The following PRRX2 variants were observed in gnomAD, a reference collection of about 807,000 sequenced individuals.
PRRX2 encodes paired mesoderm homeobox protein 2.
Under a neutral mutation model 18.0 loss-of-function variants are expected in PRRX2, and 11 were observed. That is an observed-to-expected ratio of 0.61 (90% confidence interval 0.39 to 1.01). The LOEUF is 1.01. Among genes scored for constraint, PRRX2 ranks in the 50% least tolerant of loss-of-function variants. The pLI, the probability that PRRX2 is intolerant of heterozygous loss-of-function variation, is 0.01. For synonymous variants in PRRX2, 177 were observed against 154.8 expected, an observed-to-expected ratio of 1.14 and a Z score of -1.06; for missense variants, 387 against 351.0, an observed-to-expected ratio of 1.10 and a Z score of -0.82.
At chr9:129,721,699 C>T (rs559911750) in intron 3 of PRRX2, among the ~76,000 whole-genome samples, 1 of 152,278 alleles carries the variant, frequency 6.6e-6, no homozygotes, top group Non-Finnish European at 1.5e-5. Flanking sequence ...CCTGCCTCAG[C>T]CTCTTGGGTA....
chr9:129,701,184 C>T (rs1564151753), intron 1 of PRRX2, among the ~76,000 whole-genome samples: 1 of 152,182 alleles, frequency 6.6e-6, no homozygotes, highest in Non-Finnish European at 1.5e-5. Flanking sequence ...CTCACACTAA[C>T]GTGAGGAAGA....
At chr9:129,720,990 T>A (rs575069878) in intron 3 of PRRX2, among the ~76,000 whole-genome samples, 1 of 151,460 alleles carries the variant, frequency 6.6e-6, no homozygotes, top group South Asian at 2.1e-4. Flanking sequence ...GGCATGTGTG[T>A]GTGTGTCAAC....
Position 129,666,044 on chromosome 9 carries a change from C to A in PRRX2, c.177C>A (p.Pro59=). 9.5e-7 allele frequency: 1 copy of A among 1,052,296 alleles called. No individual in the cohort carries two copies. The highest frequency in any genetic ancestry group is 1.1e-6 in the Non-Finnish European group (1 of 877,816). 65.2% of individuals were successfully genotyped at this position (1,052,296 alleles called of 1,614,324 possible). Residue 59 remains proline (P), a synonymous_variant, in exon 1 of 4, where the codon CCC becomes CCA. Transcript: ENST00000372469. ...VAAAGRLAAR[P]GARAEAREGA... ...CGGCCGGGCGGCTGGCGGCGCGCCC[C>A]GGGGCCAGGGCCGAGGCGCGGGAGG... is the stretch of plus-strand genomic sequence containing the variant.
intron 1 of PRRX2, among the ~76,000 whole-genome samples, chr9:129,707,247 G>A (rs1036459051): frequency 9.9e-5 from 15 of 151,808 alleles, no homozygotes; most frequent in African/African-American, 3.6e-4. Context: ...CATAATGAGT[G>A]AGATTCTGTC....
chr9:129,675,056 C>T lies in PRRX2; in HGVS notation c.259+8930C>T, dbSNP rs1249045890. On this transcript the variant is annotated intron_variant, in intron 1 of 3. Coordinates refer to ENST00000372469, the MANE Select transcript of PRRX2 (RefSeq NM_016307.4). This position sits in a 1 kb window ranked among gnomAD's most constrained non-coding sequence, Gnocchi z 4.4. ...CCTCCATTACCCTCCTCAGTTTACC[C>T]GAGTGGAAAGCGGTCCTCTCGAGGG... Among the ~76,000 whole-genome samples, 1 of 152,122 alleles carries T rather than the reference C, an allele frequency of 6.6e-6. No individual in the cohort carries two copies. The highest frequency in any genetic ancestry group is 1.5e-5 in the Non-Finnish European group (1 of 68,016).
chr9:129,720,098 TA>T (rs5900863), intron 2 of PRRX2, among the ~76,000 whole-genome samples: 34,816 of 151,994 alleles, frequency 0.23, 6,347 homozygotes, highest in African/African-American at 0.5. Context: ...TTCAAGTTCT[TA>T]ACTCTGTGCC....
chr9:129,688,855 A>G (rs1464798327), intron 1 of PRRX2, among the ~76,000 whole-genome samples: 3 of 151,718 alleles, frequency 2.0e-5, no homozygotes, highest in Non-Finnish European at 4.4e-5. Flanking sequence ...ACACAGCACC[A>G]CCCTCTGGTT....
At chr9:129,703,300 C>T (rs1409667260) in intron 1 of PRRX2, among the ~76,000 whole-genome samples, 7 of 152,316 alleles carry the variant, frequency 4.6e-5, no homozygotes, top group Non-Finnish European at 8.8e-5. Context: ...ACGGTCTCTG[C>T]GCCTGGCCAC....
At chr9:129,714,549 T>A (rs1397390467) in intron 1 of PRRX2, among the ~76,000 whole-genome samples, 1 of 152,176 alleles carries the variant, frequency 6.6e-6, no homozygotes, top group Non-Finnish European at 1.5e-5. Context: ...CCATCACAGC[T>A]GCCTTGGCAC....
chr9:129,667,264 T>A (rs1305413421), intron 1 of PRRX2, among the ~76,000 whole-genome samples: 1 of 152,156 alleles, frequency 6.6e-6, no homozygotes. Context: ...CCGGGGTGAG[T>A]GTGAAGCCAG....
chr9:129,671,764 A>T lies in PRRX2; in HGVS notation c.259+5638A>T, dbSNP rs951840491. Among the ~76,000 whole-genome samples, 1 of 152,230 alleles carries T rather than the reference A, an allele frequency of 6.6e-6. No individual in the cohort carries two copies. The highest frequency in any genetic ancestry group is 2.4e-5 in the African/African-American group (1 of 41,478). On this transcript the variant is annotated intron_variant, in intron 1 of 3. Coordinates refer to ENST00000372469, the MANE Select transcript of PRRX2 (RefSeq NM_016307.4). This position sits in a 1 kb window ranked among gnomAD's most constrained non-coding sequence, Gnocchi z 4.0. ...AGGCGAGGCTGTCAGAGGCCCAGAC[A>T]GGCAAAGCAACCTGCCCGAGGCCTC...
At chr9:129,722,090 G>C in intron 3 of PRRX2, 127 bp from the exon 4 acceptor site, 2 of 1,351,244 alleles carry the variant, frequency 1.5e-6, no homozygotes, top group Non-Finnish European at 2.0e-6. Context: ...ATCACCCCCA[G>C]TCCTGGGTGA....
intron 3 of PRRX2, 108 bp downstream of exon 3, chr9:129,720,882 C>T (rs554523778): frequency 8.0e-7 from 1 of 1,251,232 alleles, no homozygotes; most frequent in East Asian, 2.9e-5. Context: ...GAATGGTGTC[C>T]ACGCGCCCCT....
intron 1 of PRRX2, among the ~76,000 whole-genome samples, chr9:129,706,306 C>T (rs987140472): frequency 1.2e-4 from 11 of 94,688 alleles, no homozygotes; most frequent in African/African-American, 3.9e-4. Context: ...TTTTCCCAGG[C>T]GCGGTGGCTC....
intron 1 of PRRX2, among the ~76,000 whole-genome samples, chr9:129,696,333 G>A (rs1832421671): frequency 6.6e-6 from 1 of 152,188 alleles, no homozygotes; most frequent in Admixed American, 6.5e-5. Flanking sequence ...CCAGCACTTT[G>A]GGAGGCTGAG....
At chr9:129,693,598 CAA>C (rs61440612) in intron 1 of PRRX2, among the ~76,000 whole-genome samples, 3,033 of 105,222 alleles carry the variant, frequency 0.029, 43 homozygotes, top group Middle Eastern at 0.061. Context: ...AACTCTGTCT[CAA>C]AAAAAAAAAA....
In PRRX2 at chr9:129,715,792, A is replaced by ACACACT. The variant is rs1554725135; in HGVS notation, c.260-3438_260-3437insACACTC. On this transcript the variant is annotated intron_variant, in intron 1 of 3. Coordinates refer to ENST00000372469, the MANE Select transcript of PRRX2 (RefSeq NM_016307.4). This position sits in a 1 kb window ranked among gnomAD's most constrained non-coding sequence, Gnocchi z 4.0. ...CACACACACACACACACACACACAC[A>ACACACT]CTCATTTACAGTCTCATGGAGCAAT... Among the ~76,000 whole-genome samples, 1 of 144,336 alleles carries ACACACT rather than the reference A, an allele frequency of 6.9e-6. No homozygotes were observed. The highest frequency in any genetic ancestry group is 7.0e-5 in the Admixed American group (1 of 14,376). The allele number at this position is 144,336 out of a possible 152,430, so 94.7% of individuals were successfully genotyped here. A position where few individuals can be genotyped will look rare whatever the true frequency, so the allele number is the denominator to read the frequency against.
In PRRX2 at chr9:129,719,333, G is replaced by T. The variant is rs373913153; in HGVS notation, c.362G>T (p.Arg121Leu). The T allele has an allele frequency of 9.4e-6, 15 of 1,600,006 alleles. No individual in the cohort carries two copies. In the African/African-American group the frequency reaches 1.9e-4, roughly 20 times the overall value. ...AGCAGCCAACTGCAGGCGCTGGAGC[G>T]CGTGTTCGAGCGCACGCACTACCCC... ...FNSSQLQALERVFERTHYPDA... is the reference protein window; with the variant it reads ...FNSSQLQALELVFERTHYPDA... Residue 121 changes from arginine (R) to leucine (L), a missense_variant, in exon 2 of 4, where the codon CGC (arginine) becomes CTC (leucine). Coordinates refer to ENST00000372469, the MANE Select transcript of PRRX2 (RefSeq NM_016307.4).
chr9:129,721,474 G>A (rs1381784846), intron 3 of PRRX2, among the ~76,000 whole-genome samples: 1 of 152,138 alleles, frequency 6.6e-6, no homozygotes, highest in Non-Finnish European at 1.5e-5. Flanking sequence ...TGGGGGGACA[G>A]GGATTTCGTG....
Sources: gnomAD v4.1 joint callset for allele counts (sites outside exome capture counted in the v4.1 genomes callset) on GRCh38, gnomAD v4.1.1 for gene constraint, Gnocchi (gnomAD v3.1) non-coding constraint, MANE v1.5 for transcripts, NCBI Gene and HGNC (gene_info 2026-07-23, HGNC 2026-07-21) for gene names.